Variants in ITGA9 observed in about 807,000 individuals in gnomAD.
ITGA9 encodes the protein integrin alpha-9.
In ITGA9, 56 loss-of-function variants were observed where a neutral mutation model predicts 127.8. The ratio of observed to expected loss-of-function variants is 0.44; its 90% CI spans 0.35 to 0.55. ITGA9 has a LOEUF of 0.55. ITGA9 is among the 20% of genes least tolerant of loss of function. The pLI is 0.00. For synonymous variants in ITGA9, 508 were observed against 514.5 expected, an observed-to-expected ratio of 0.99 and a Z score of 0.17; for missense variants, 1,196 against 1,347.1, an observed-to-expected ratio of 0.89 and a Z score of 1.76.
chr3:37,701,219 G>A (rs1700942320), intron 18 of ITGA9, among the ~76,000 whole-genome samples: 2 of 152,222 alleles, frequency 1.3e-5, no homozygotes, highest in South Asian at 2.1e-4. Context: ...AGTGTGAGCT[G>A]TAATCCTATG....
In ITGA9 at chr3:37,784,890, T is replaced by A. The variant is rs1426035535; in HGVS notation, c.2788-87T>A. 1.4e-5 allele frequency: 16 copies of A among 1,127,884 alleles called. No homozygotes were observed. In the East Asian group the frequency reaches 3.8e-4, roughly 27 times the overall value. The allele number at this position is 1,127,884 out of a possible 1,614,324, so 69.9% of individuals were successfully genotyped here. On this transcript the variant is annotated intron_variant, in intron 25 of 27. Transcript: ENST00000264741. ...TTTTTGTCTGGGCTACATGGAATCA[T>A]GGAATTTCAGTTCTGCCCAGTCCCT...
chr3:37,748,107 C>T, intron 22 of ITGA9: 1 of 472,334 alleles, frequency 2.1e-6, no homozygotes, highest in Non-Finnish European at 4.2e-6. Flanking sequence ...AGTAATTCGC[C>T]AAAATGTCGA....
At chr3:37,568,505 A>G (rs1364319284) in intron 15 of ITGA9, among the ~76,000 whole-genome samples, 1 of 152,242 alleles carries the variant, frequency 6.6e-6, no homozygotes, top group Non-Finnish European at 1.5e-5. Context: ...TTTCTTTTCT[A>G]TCGCATTGTC....
chr3:37,477,106 T>C (rs548296513), intron 3 of ITGA9, among the ~76,000 whole-genome samples: 1 of 152,352 alleles, frequency 6.6e-6, no homozygotes, highest in East Asian at 1.9e-4. Flanking sequence ...TTTGCTTTTT[T>C]CTTTAATGTT....
At chr3:37,498,598 A>G (rs572050294) in intron 5 of ITGA9, among the ~76,000 whole-genome samples, 1 of 152,296 alleles carries the variant, frequency 6.6e-6, no homozygotes, top group Non-Finnish European at 1.5e-5. Context: ...ACCTGAGGGA[A>G]ACATGGGGTG....
intron 15 of ITGA9, among the ~76,000 whole-genome samples, chr3:37,560,360 AT>A (rs1162356916): frequency 6.6e-6 from 1 of 152,242 alleles, no homozygotes; most frequent in Non-Finnish European, 1.5e-5. Flanking sequence ...ATTGATGGAC[AT>A]TTGGATTGGT....
intron 15 of ITGA9, among the ~76,000 whole-genome samples, chr3:37,594,409 G>A (rs1162609995): frequency 6.6e-6 from 1 of 152,328 alleles, no homozygotes; most frequent in African/African-American, 2.4e-5. Flanking sequence ...TTCTGGTAAA[G>A]CATAAGGAGA....
At chr3:37,740,516 C>G (rs1456357311) in intron 20 of ITGA9, among the ~76,000 whole-genome samples, 2 of 152,216 alleles carry the variant, frequency 1.3e-5, no homozygotes, top group African/African-American at 4.8e-5. Context: ...GCTCCCAAAT[C>G]TGGCATCAGG....
chr3:37,503,429 A>G (rs1378606302), intron 6 of ITGA9, 122 bp downstream of exon 6: 8 of 1,093,176 alleles, frequency 7.3e-6, no homozygotes, highest in Middle Eastern at 4.7e-4. Flanking sequence ...TGTTGTTCTA[A>G]TGACTTACAT....
intron 18 of ITGA9, among the ~76,000 whole-genome samples, chr3:37,714,780 C>T (rs76050831): frequency 0.033 from 4,953 of 152,236 alleles, 100 homozygotes; most frequent in Non-Finnish European, 0.049. Context: ...CTCCATGACT[C>T]GAATGTGTGC....
At chr3:37,744,501 AGAG>A (rs755574612) in intron 22 of ITGA9, among the ~76,000 whole-genome samples, 93 of 152,336 alleles carry the variant, frequency 6.1e-4, no homozygotes, top group East Asian at 1.2e-3. Context: ...TTATAAGAAC[AGAG>A]GAGTGTGAGC....
At chr3:37,760,194 C>T (rs190343964) in intron 23 of ITGA9, among the ~76,000 whole-genome samples, 86 of 149,582 alleles carry the variant, frequency 5.7e-4, no homozygotes, top group African/African-American at 2.0e-3. Flanking sequence ...ACCCAGGAGG[C>T]GGAGGTTGCG....
At chr3:37,507,160 C>T (rs147726877) in intron 7 of ITGA9, among the ~76,000 whole-genome samples, 86 of 152,252 alleles carry the variant, frequency 5.6e-4, no homozygotes, top group Middle Eastern at 6.8e-3. Flanking sequence ...TAAACCAGGG[C>T]CCTGAGCTGG....
In ITGA9 at chr3:37,643,393, T is replaced by C. The variant is rs1477803030; in HGVS notation, c.1840-10321T>C. 2.6e-5 allele frequency among the ~76,000 whole-genome samples: 4 copies of C among 152,362 alleles called. No individual in the cohort carries two copies. In the Middle Eastern group the frequency reaches 0.01, roughly 389 times the overall value. On this transcript the variant is annotated intron_variant, in intron 16 of 27. Transcript: ENST00000264741. ...GCCTTATCTGTCTGTCTCAGGCTTC[T>C]TCTCCAAGGTTAACCCCAACGGGAA... is the stretch of plus-strand genomic sequence containing the variant.
intron 11 of ITGA9, among the ~76,000 whole-genome samples, chr3:37,521,184 A>G (rs1485346994): frequency 6.6e-6 from 1 of 152,234 alleles, no homozygotes; most frequent in Admixed American, 6.5e-5. Flanking sequence ...TGCATATGAT[A>G]AGGGCAGAGA....
intron 15 of ITGA9, among the ~76,000 whole-genome samples, chr3:37,607,948 G>A (rs775154016): frequency 6.6e-6 from 1 of 152,142 alleles, no homozygotes. Flanking sequence ...ACCATTAATG[G>A]CCATTCTTCA....
intron 15 of ITGA9, among the ~76,000 whole-genome samples, chr3:37,581,498 T>A (rs1050735460): frequency 6.6e-6 from 1 of 152,160 alleles, no homozygotes; most frequent in Admixed American, 6.5e-5. Context: ...AAAGAGAGAA[T>A]GCGTGTTCTT....
chr3:37,615,880 G>A (rs979812853), intron 15 of ITGA9, among the ~76,000 whole-genome samples: 5 of 151,982 alleles, frequency 3.3e-5, no homozygotes, highest in African/African-American at 4.8e-5. Context: ...CTTGCTAGCG[G>A]TCTATCAATT....
At chr3:37,771,701 C>T (rs529210335) in intron 23 of ITGA9, among the ~76,000 whole-genome samples, 3 of 152,182 alleles carry the variant, frequency 2.0e-5, no homozygotes, top group Admixed American at 6.5e-5. Context: ...CCAGAAACAA[C>T]ATTCCAGAAT....
Sources: gnomAD v4.1 joint callset for allele counts (sites outside exome capture counted in the v4.1 genomes callset) on GRCh38, gnomAD v4.1.1 for gene constraint, MANE v1.5 for transcripts, NCBI Gene and HGNC (gene_info 2026-07-23, HGNC 2026-07-21) for gene names.